Variants in ZNF326 observed in about 807,000 individuals in gnomAD.
The protein encoded by ZNF326 is zinc finger protein 326, also known as DBIRD complex subunit ZNF326.
ZNF326 carries 30 observed loss-of-function variants against 63.1 expected under a neutral mutation model. The observed-to-expected ratio is 0.48, with a 90% CI of 0.36 to 0.64. The LOEUF (loss-of-function observed/expected upper bound fraction) is 0.64, where lower values mean the gene tolerates loss of function less well. ZNF326 is among the 30% of genes least tolerant of loss of function. The probability of loss-of-function intolerance (pLI) is 0.00; values close to 1 mark genes in which losing one functional copy is unlikely to be tolerated. For missense variants in ZNF326, 609 were observed against 720.3 expected (o/e 0.85, Z 1.77); for synonymous variants, 194 against 228.2 (o/e 0.85, Z 1.35).
At chr1:90,000,340 G>T (rs1648612325) in intron 2 of ZNF326, among the ~76,000 whole-genome samples, 1 of 152,178 alleles carries the variant, frequency 6.6e-6, no homozygotes, top group Non-Finnish European at 1.5e-5. Flanking sequence ...GAAGGAAAAT[G>T]TATTTCCAGT....
chr1:90,001,875 TC>T (rs573646765), intron 2 of ZNF326, among the ~76,000 whole-genome samples: 6 of 152,088 alleles, frequency 3.9e-5, no homozygotes, highest in African/African-American at 1.4e-4. Flanking sequence ...CAGTTTTTTT[TC>T]CCCCAGTATG....
intron 11 of ZNF326, among the ~76,000 whole-genome samples, chr1:90,025,828 T>C (rs148046003): frequency 8.5e-5 from 13 of 152,368 alleles, no homozygotes; most frequent in East Asian, 5.8e-4. Flanking sequence ...TGATTAACTC[T>C]AGTGACCTTT....
intron 2 of ZNF326, among the ~76,000 whole-genome samples, chr1:90,002,565 A>G (rs1228517710): frequency 1.3e-5 from 2 of 152,204 alleles, no homozygotes; most frequent in Non-Finnish European, 2.9e-5. Flanking sequence ...ATTTTACTAT[A>G]TACTTACCAA....
chr1:90,009,276 T>C (rs1250773265), intron 5 of ZNF326, among the ~76,000 whole-genome samples: 1 of 152,152 alleles, frequency 6.6e-6, no homozygotes, highest in Non-Finnish European at 1.5e-5. Context: ...CCTTGGGTCC[T>C]TCTCTTCAGA....
chr1:90,013,312 T>C, intron 7 of ZNF326, 75 bp downstream of exon 7: 4 of 1,118,110 alleles, frequency 3.6e-6, no homozygotes, highest in Non-Finnish European at 4.9e-6. Context: ...TCAATTGTAA[T>C]ATTAAAAAGT....
intron 10 of ZNF326, among the ~76,000 whole-genome samples, chr1:90,022,021 T>G (rs1388793786): frequency 1.3e-5 from 2 of 152,098 alleles, no homozygotes; most frequent in Admixed American, 6.6e-5. Context: ...AATCTAGACT[T>G]GTAGATTTGT....
chr1:90,000,733 C>T (rs1648635620), intron 2 of ZNF326, among the ~76,000 whole-genome samples: 2 of 152,106 alleles, frequency 1.3e-5, no homozygotes, highest in South Asian at 4.1e-4. Flanking sequence ...TGATTTTTTG[C>T]TGAGCAATCT....
intron 6 of ZNF326, 85 bp from the exon 7 acceptor site, chr1:90,013,041 T>C: frequency 8.7e-7 from 1 of 1,150,182 alleles, no homozygotes; most frequent in South Asian, 1.8e-5. Context: ...GTATACCTCA[T>C]AAGTATGTAC....
At chr1:89,998,757 A>C (rs1648523070) in intron 2 of ZNF326, among the ~76,000 whole-genome samples, 1 of 152,214 alleles carries the variant, frequency 6.6e-6, no homozygotes, top group Non-Finnish European at 1.5e-5. Context: ...CTGCCACACA[A>C]GATAATAATA....
In ZNF326 at chr1:90,029,106, G is replaced by C. The variant is rs1412296538; in HGVS notation, c.*1405G>C. 1 of 152,158 alleles carries C rather than the reference G, an allele frequency of 6.6e-6. No homozygotes were observed. The highest frequency in any genetic ancestry group is 2.4e-5 in the African/African-American group (1 of 41,418). 9.4% of individuals were successfully genotyped at this position (152,158 alleles called of 1,614,324 possible). A position where few individuals can be genotyped will look rare whatever the true frequency, so the allele number is the denominator to read the frequency against. ...GGTGTGAGCCACCATGCCTGGCATA[G>C]GGGGCTGTATTTCAGTGAAATTAGA... is the stretch of plus-strand genomic sequence containing the variant. On this transcript the variant is annotated 3_prime_UTR_variant, in exon 12 of 12. Coordinates refer to ENST00000340281, the MANE Select transcript of ZNF326 (RefSeq NM_182976.4).
intron 2 of ZNF326, 33 bp downstream of exon 2, chr1:89,998,187 C>A (rs200310011): frequency 5.0e-6 from 8 of 1,605,932 alleles, no homozygotes; most frequent in South Asian, 3.3e-5. Flanking sequence ...TCTCTTCATG[C>A]GCATAAAAAT....
Position 90,027,760 on chromosome 1 carries a change from A to G in ZNF326, c.*59A>G. On this transcript the variant is annotated 3_prime_UTR_variant, in exon 12 of 12. Transcript: ENST00000340281. ...TTTCGGTTCTAATGTAAAAAAGGGTAAGAAATTTAATAGCTTAAAATATGA... is the reference window on the plus strand; with the variant it reads ...TTTCGGTTCTAATGTAAAAAAGGGTGAGAAATTTAATAGCTTAAAATATGA... The G allele has an allele frequency of 6.6e-7, 1 of 1,524,832 alleles. No individual in the cohort carries two copies. Among genetic ancestry groups the G allele is most frequent in the Non-Finnish European group, 9.0e-7 (1 of 1,107,496 alleles). 94.5% of individuals were successfully genotyped at this position (1,524,832 alleles called of 1,614,324 possible). A position where few individuals can be genotyped will look rare whatever the true frequency, so the allele number is the denominator to read the frequency against.
chr1:90,017,287 T>C (rs1259555115), intron 7 of ZNF326, 30 bp from the exon 8 acceptor site: 4 of 1,502,796 alleles, frequency 2.7e-6, no homozygotes, highest in Non-Finnish European at 3.6e-6. Flanking sequence ...TAAAGTAATA[T>C]TTAAAGGAAA....
Position 90,030,476 on chromosome 1 carries a change from C to T in ZNF326, c.*2775C>T, listed in dbSNP as rs1433766245. ...TGTTACTTTTTTGATGAGTTCTTTC[C>T]TACAAAGACCTTTGCATTTTCTTAT... On this transcript the variant is annotated 3_prime_UTR_variant, in exon 12 of 12. Transcript: ENST00000340281. 1.3e-5 allele frequency: 2 copies of T among 151,908 alleles called. No individual in the cohort carries two copies. The highest frequency in any genetic ancestry group is 1.3e-4 in the Admixed American group (2 of 15,246). 9.4% of individuals were successfully genotyped at this position (151,908 alleles called of 1,614,324 possible). A position where few individuals can be genotyped will look rare whatever the true frequency, so the allele number is the denominator to read the frequency against.
intron 1 of ZNF326, among the ~76,000 whole-genome samples, chr1:89,997,583 G>A (rs911676837): frequency 5.6e-4 from 85 of 152,056 alleles, no homozygotes; most frequent in African/African-American, 2.0e-3. Context: ...CATATTGGAC[G>A]GGCTGGTCTC....
At position 90,027,454 on chromosome 1, in the gene ZNF326, A is replaced by G; in HGVS notation, c.1502A>G (p.Glu501Gly). 1 of 1,613,564 alleles carries G rather than the reference A, an allele frequency of 6.2e-7. No homozygotes were observed. The highest frequency in any genetic ancestry group is 8.5e-7 in the Non-Finnish European group (1 of 1,179,596). The change falls in exon 12 of 12, where the codon GAG (glutamate) becomes GGG (glycine). Residue 501 changes from glutamate to glycine, a missense_variant. Physicochemically the swap from Glu to Gly is moderately conservative, Grantham distance 98 (BLOSUM62 -2). This residue lies in a region of ZNF326 where 399 missense variants were observed against 444.3 expected (regional missense o/e 0.90). Transcript: ENST00000340281. The stretch of plus-strand genomic sequence containing the variant: ...ATTGATGAACCTATTGAAGAAGAGG[A>G]GGATGAAGATGAGGAAGAAGAAGCA... Reference protein sequence around the residue: ...EKIDEPIEEEEDEDEEEEAEE... With the variant: ...EKIDEPIEEEGDEDEEEEAEE...
At chr1:90,017,630 A>C (rs1326824942) in intron 8 of ZNF326, among the ~76,000 whole-genome samples, 166 bp downstream of exon 8, 1 of 152,234 alleles carries the variant, frequency 6.6e-6, no homozygotes, top group African/African-American at 2.4e-5. Flanking sequence ...GAATTCCTCT[A>C]TAATAGAATT....
chr1:90,034,501 A>G lies in ZNF326; in HGVS notation c.*6800A>G, dbSNP rs924928580. ...TATAGAATATTTGTTTTCAAATGCC[A>G]TGAAAAAATGACCATGAAGCAAAAA... is the stretch of plus-strand genomic sequence containing the variant. On this transcript the variant is annotated 3_prime_UTR_variant, in exon 12 of 12. Transcript: ENST00000340281. 1 of 152,198 alleles carries G rather than the reference A, an allele frequency of 6.6e-6. No homozygotes were observed. Among genetic ancestry groups the G allele is most frequent in the Non-Finnish European group, 1.5e-5 (1 of 68,004 alleles). The allele number at this position is 152,198 out of a possible 1,614,324, so 9.4% of individuals were successfully genotyped here.
rs1649030819 is a variant in ZNF326 at position 90,007,207 on chromosome 1, A to G, written c.210-138A>G. Reference sequence around the variant, plus strand: ...AACTGCCCAGCCCTAATCAAATGTGAACAAAAGTAGAACTGTGCAAACCAG... The same window carrying G: ...AACTGCCCAGCCCTAATCAAATGTGGACAAAAGTAGAACTGTGCAAACCAG... On this transcript the variant is annotated intron_variant, in intron 4 of 11. Coordinates refer to ENST00000340281, the MANE Select transcript of ZNF326 (RefSeq NM_182976.4). The surrounding 1 kb of genome is among the most constrained non-coding windows in gnomAD (Gnocchi z 4.9). 1 of 825,682 alleles carries G rather than the reference A, an allele frequency of 1.2e-6. No individual in the cohort carries two copies. Among genetic ancestry groups the G allele is most frequent in the African/African-American group, 1.7e-5 (1 of 58,092 alleles). The allele number at this position is 825,682 out of a possible 1,614,324, so 51.1% of individuals were successfully genotyped here.
Sources: gnomAD v4.1 joint callset for allele counts (sites outside exome capture counted in the v4.1 genomes callset) on GRCh38, gnomAD v4.1.1 for gene constraint, gnomAD v4.1.1 regional missense constraint, Gnocchi (gnomAD v3.1) non-coding constraint, MANE v1.5 for transcripts, NCBI Gene and HGNC (gene_info 2026-07-23, HGNC 2026-07-21) for gene names.